The following TENM2 variants were observed in gnomAD, a reference collection of about 807,000 sequenced individuals.
The protein encoded by TENM2 is teneurin transmembrane protein 2, also known as teneurin-2.
Under a neutral mutation model 245.2 loss-of-function variants are expected in TENM2, and 52 were observed. The observed-to-expected ratio is 0.21, with a 90% CI of 0.17 to 0.27. The LOEUF is 0.27. Among genes scored for constraint, TENM2 ranks in the 10% least tolerant of loss-of-function variants. The probability of loss-of-function intolerance (pLI) is 1.00; values close to 1 mark genes in which losing one functional copy is unlikely to be tolerated. For missense variants in TENM2, 3,046 were observed against 3,666.8 expected (o/e 0.83, Z 4.37); for synonymous variants, 1,363 against 1,438.9 (o/e 0.95, Z 1.19).
At chr5:167,680,615 T>A (rs919449910) in intron 2 of TENM2, among the ~76,000 whole-genome samples, 1 of 152,060 alleles carries the variant, frequency 6.6e-6, no homozygotes, top group African/African-American at 2.4e-5. Context: ...CAGGACCTAG[T>A]TGAGAAGCTG....
At chr5:167,713,477 A>G (rs1460416531) in intron 2 of TENM2, among the ~76,000 whole-genome samples, 2 of 152,068 alleles carry the variant, frequency 1.3e-5, no homozygotes, top group Non-Finnish European at 2.9e-5. Flanking sequence ...ACAAGTACAT[A>G]CATACAATGC....
At chr5:168,167,029 A>G (rs1023479059) in intron 13 of TENM2, among the ~76,000 whole-genome samples, 4 of 152,146 alleles carry the variant, frequency 2.6e-5, no homozygotes, top group African/African-American at 9.7e-5. Flanking sequence ...AGAAGTGGAA[A>G]TGGTTCAGAC....
At chr5:167,407,514 A>C (rs190845325) in intron 2 of TENM2, among the ~76,000 whole-genome samples, 23 of 152,226 alleles carry the variant, frequency 1.5e-4, no homozygotes, top group Admixed American at 1.3e-3. Flanking sequence ...AATGAAAAAG[A>C]ATCTTTTGTA....
At chr5:167,545,360 A>G (rs778673343) in intron 2 of TENM2, among the ~76,000 whole-genome samples, 3 of 152,178 alleles carry the variant, frequency 2.0e-5, no homozygotes, top group Non-Finnish European at 2.9e-5. Flanking sequence ...TGGTCTTCTA[A>G]AATGGCCACT....
chr5:167,887,640 A>G (rs2151441580), intron 3 of TENM2, among the ~76,000 whole-genome samples: 1 of 152,324 alleles, frequency 6.6e-6, no homozygotes. Flanking sequence ...TTTGTTTAGT[A>G]GCTGCTGTCC....
intron 2 of TENM2, among the ~76,000 whole-genome samples, chr5:167,689,737 C>G (rs558321586): frequency 4.3e-4 from 66 of 152,104 alleles, no homozygotes; most frequent in Non-Finnish European, 9.3e-4. Context: ...GAACACTGTT[C>G]TTACCTCTTC....
the TENM2 span, among the ~76,000 whole-genome samples, chr5:167,169,097 G>C: frequency 5.6e-4 from 86 of 152,224 alleles, no homozygotes; most frequent in African/African-American, 2.0e-3. Context: ...ATTAATCTTT[G>C]AAATGGAAGC....
At chr5:167,108,357 C>T in the TENM2 span, among the ~76,000 whole-genome samples, 1 of 152,094 alleles carries the variant, frequency 6.6e-6, no homozygotes, top group Non-Finnish European at 1.5e-5. Flanking sequence ...AACTGCTGAC[C>T]TCAGGTGATC....
chr5:168,110,126 C>T (rs181017539), intron 9 of TENM2, among the ~76,000 whole-genome samples: 28 of 141,814 alleles, frequency 2.0e-4, no homozygotes, highest in Admixed American at 3.9e-4. Context: ...CCTAGGGAAA[C>T]TTGTACATGT....
chr5:167,881,610 C>T (rs967042587), intron 3 of TENM2, among the ~76,000 whole-genome samples: 3 of 152,190 alleles, frequency 2.0e-5, no homozygotes, highest in Non-Finnish European at 4.4e-5. Flanking sequence ...ACTTTGACTC[C>T]AGGTTCTTCC....
rs761254503 is a variant in TENM2, at chr5:168,218,304, C to T, written c.4413C>T (p.His1471=). 6.2e-7 allele frequency: 1 copy of T among 1,614,014 alleles called. No homozygotes were observed. Among genetic ancestry groups the T allele is most frequent in the East Asian group, 2.2e-5 (1 of 44,878 alleles). The stretch of plus-strand genomic sequence containing the variant: ...ACTCACTCAGCAAACTAGCCATTCA[C>T]TCTGCCCTGGAGTCAGCCAGTGCCA... The change falls in exon 23 of 29, where the codon CAC becomes CAT. Residue 1471 remains histidine (H), a synonymous_variant. Transcript: ENST00000518659. The surrounding 1 kb of genome is among the most constrained non-coding windows in gnomAD (Gnocchi z 5.2).
chr5:168,038,021 T>A (rs1787862101), intron 5 of TENM2, among the ~76,000 whole-genome samples: 1 of 152,200 alleles, frequency 6.6e-6, no homozygotes, highest in Non-Finnish European at 1.5e-5. Flanking sequence ...CATTCTTCAC[T>A]GATGCTTAGT....
intron 25 of TENM2, 133 bp downstream of exon 27, chr5:168,228,263 T>G: frequency 2.8e-6 from 2 of 716,956 alleles, no homozygotes; most frequent in South Asian, 3.7e-5. Flanking sequence ...TGAGAAAGTT[T>G]CCCAGCTTCA....
chr5:167,807,148 AAAAAAAAAG>A (rs1385809089), intron 2 of TENM2, among the ~76,000 whole-genome samples: 3 of 146,334 alleles, frequency 2.1e-5, no homozygotes, highest in African/African-American at 7.6e-5. Context: ...AAAAAAAAAA[AAAAAAAAAG>A]AAGAAGAAGA....
At chr5:167,963,193 A>T (rs541009780) in intron 4 of TENM2, among the ~76,000 whole-genome samples, 1 of 152,278 alleles carries the variant, frequency 6.6e-6, no homozygotes, top group East Asian at 1.9e-4. Flanking sequence ...GTTTTGAGGG[A>T]TGAATAGGAA....
intron 7 of TENM2, among the ~76,000 whole-genome samples, chr5:168,080,181 T>G (rs1452861016): frequency 6.6e-6 from 1 of 152,174 alleles, no homozygotes; most frequent in Non-Finnish European, 1.5e-5. Context: ...GTCGAGGAAT[T>G]TATCCATTTC....
chr5:167,124,071 A>G, the TENM2 span, among the ~76,000 whole-genome samples: 2 of 152,184 alleles, frequency 1.3e-5, no homozygotes, highest in South Asian at 4.1e-4. Flanking sequence ...ATATTTCCAT[A>G]TGCTACCACT....
chr5:167,154,739 G>A, the TENM2 span, among the ~76,000 whole-genome samples: 1 of 152,014 alleles, frequency 6.6e-6, no homozygotes, highest in Admixed American at 6.6e-5. Flanking sequence ...TAAGTGACTC[G>A]ACTTCTCCGT....
At chr5:167,480,553 T>G (rs1276548790) in intron 2 of TENM2, among the ~76,000 whole-genome samples, 2 of 152,186 alleles carry the variant, frequency 1.3e-5, no homozygotes, top group African/African-American at 4.8e-5. Context: ...AAGTTAGTGC[T>G]CTTAGAAATA....
Sources: allele counts gnomAD v4.1 joint callset (sites outside exome capture counted in the v4.1 genomes callset), GRCh38; gene constraint gnomAD v4.1.1; non-coding constraint Gnocchi (gnomAD v3.1); transcripts MANE v1.5; gene names NCBI Gene and HGNC (gene_info 2026-07-23, HGNC 2026-07-21).